Variants in OPCML observed in about 807,000 individuals in gnomAD.
The protein encoded by OPCML is opioid-binding protein/cell adhesion molecule.
In OPCML, 13 loss-of-function variants were observed where a neutral mutation model predicts 37.8. The observed-to-expected ratio is 0.34, with a 90% CI of 0.22 to 0.55. OPCML has a LOEUF of 0.55. OPCML is among the 20% of genes least tolerant of loss of function. OPCML has a pLI of 0.91. For synonymous variants in OPCML, 176 were observed against 168.8 expected (o/e 1.04, Z -0.33); for missense variants, 341 against 435.6 (o/e 0.78, Z 1.93).
At chr11:132,753,821 C>T (rs981825518) in intron 2 of OPCML, among the ~76,000 whole-genome samples, 1 of 152,186 alleles carries the variant, frequency 6.6e-6, no homozygotes, top group African/African-American at 2.4e-5. Flanking sequence ...AAATATATTA[C>T]AGGCACAATG....
chr11:133,219,371 C>T (rs901109655), intron 1 of OPCML, among the ~76,000 whole-genome samples: 1 of 152,206 alleles, frequency 6.6e-6, no homozygotes, highest in African/African-American at 2.4e-5. Flanking sequence ...ACACTAGCCA[C>T]CACTTACATG....
intron 4 of OPCML, among the ~76,000 whole-genome samples, chr11:132,495,618 G>A (rs891533981): frequency 6.6e-6 from 1 of 152,250 alleles, no homozygotes; most frequent in Non-Finnish European, 1.5e-5. Flanking sequence ...TTGGCCTGGC[G>A]CAGTGGCTCA....
At chr11:132,866,071 GA>G (rs35678364) in intron 2 of OPCML, among the ~76,000 whole-genome samples, 120 of 138,884 alleles carry the variant, frequency 8.6e-4, no homozygotes, top group Middle Eastern at 7.6e-3. Flanking sequence ...TTCTCCTCAG[GA>G]AAAAAAAAAA....
intron 1 of OPCML, among the ~76,000 whole-genome samples, chr11:133,213,627 A>G (rs1939465391): frequency 6.6e-6 from 1 of 151,734 alleles, no homozygotes; most frequent in Non-Finnish European, 1.5e-5. Context: ...CACTTAAAAA[A>G]CTCCTTACTG....
Position 132,560,913 on chromosome 11 carries a change from C to T in OPCML, c.380-31727G>A, listed in dbSNP as rs763480978. Among the ~76,000 whole-genome samples, 12 of 152,072 alleles carry T rather than the reference C, an allele frequency of 7.9e-5. 1 individual carries two copies. Among genetic ancestry groups the T allele is most frequent in the Admixed American group, 6.6e-4 (10 of 15,262 alleles). On this transcript the variant is annotated intron_variant, in intron 3 of 7. Transcript: ENST00000524381. ...TTCTTTTGCTGTGCAGAAGCTGTTG[C>T]GTTTAATTAAGTCCTATCTATTTAT...
At chr11:133,047,368 G>A (rs1056492597) in intron 1 of OPCML, among the ~76,000 whole-genome samples, 5 of 152,184 alleles carry the variant, frequency 3.3e-5, no homozygotes, top group South Asian at 2.1e-4. Flanking sequence ...GTGTAGCCGC[G>A]ATTGCATTAT....
In OPCML at chr11:133,173,742, A is replaced by G. The variant is rs1378412253; in HGVS notation, c.62-230732T>C. On this transcript the variant is annotated intron_variant, in intron 1 of 7. Transcript: ENST00000524381. The surrounding 1 kb of genome is among the most constrained non-coding windows in gnomAD (Gnocchi z 7.8). Reference sequence around the variant, plus strand: ...TGTGGCAGTTTAAGAATCTCTAAGAATGCATAAGTAAAGAAAAAATAGAAT... The same window carrying G: ...TGTGGCAGTTTAAGAATCTCTAAGAGTGCATAAGTAAAGAAAAAATAGAAT... Among the ~76,000 whole-genome samples, 6 of 152,242 alleles carry G rather than the reference A, an allele frequency of 3.9e-5. No individual in the cohort carries two copies. The highest frequency in any genetic ancestry group is 1.4e-4 in the African/African-American group (6 of 41,466).
chr11:133,350,091 T>G (rs1285038709), intron 1 of OPCML, among the ~76,000 whole-genome samples: 2 of 152,218 alleles, frequency 1.3e-5, no homozygotes, highest in African/African-American at 4.8e-5. Flanking sequence ...CCTGCTGTTT[T>G]GATGACTTAA....
chr11:133,215,401 C>T (rs531987885), intron 1 of OPCML, among the ~76,000 whole-genome samples: 4 of 152,332 alleles, frequency 2.6e-5, no homozygotes, highest in East Asian at 3.9e-4. Context: ...TCATTCCTTG[C>T]CCTCTCGGGC....
chr11:132,523,971 A>G (rs1393608539), intron 4 of OPCML, among the ~76,000 whole-genome samples: 2 of 152,228 alleles, frequency 1.3e-5, no homozygotes, highest in Non-Finnish European at 1.5e-5. Context: ...TTAAAATCTC[A>G]GTGGAGGGGA....
intron 2 of OPCML, among the ~76,000 whole-genome samples, chr11:132,687,504 T>A (rs896186743): frequency 1.3e-5 from 2 of 148,286 alleles, no homozygotes. Flanking sequence ...GATCTTCTTC[T>A]GCAAAACTTA....
At chr11:132,662,605 T>C (rs1365500688) in intron 2 of OPCML, among the ~76,000 whole-genome samples, 6 of 152,258 alleles carry the variant, frequency 3.9e-5, no homozygotes, top group African/African-American at 1.4e-4. Flanking sequence ...GAAGGATACC[T>C]GGATAAAATA....
chr11:132,552,761 C>CCCTTT lies in OPCML; in HGVS notation c.380-23576_380-23575insAAAGG, dbSNP rs1337627753. 1.5e-4 allele frequency among the ~76,000 whole-genome samples: 10 copies of CCCTTT among 67,480 alleles called. 1 individual carries two copies. Among genetic ancestry groups the CCCTTT allele is most frequent in the African/African-American group, 1.1e-3 (10 of 9,302 alleles). The allele number at this position is 67,480 out of a possible 152,430, so 44.3% of individuals were successfully genotyped here. ...TCTAGTCAAACTAAATTAAACACTA[C>CCCTTT]TCTTTTTTTTTTTTTTTTGAGACCG... On this transcript the variant is annotated intron_variant, in intron 3 of 7. Transcript: ENST00000524381.
At chr11:133,435,043 T>C (rs576319775) in intron 1 of OPCML, among the ~76,000 whole-genome samples, 80 of 151,912 alleles carry the variant, frequency 5.3e-4, no homozygotes, top group Non-Finnish European at 9.7e-4. Context: ...AAGTGAGAGA[T>C]AGCCTAGCAT....
chr11:132,701,814 C>T (rs1202819732), intron 2 of OPCML, among the ~76,000 whole-genome samples: 1 of 106,498 alleles, frequency 9.4e-6, no homozygotes, highest in Non-Finnish European at 2.0e-5. Context: ...TGGGCGTGTG[C>T]TTTCCTTTTT....
intron 2 of OPCML, among the ~76,000 whole-genome samples, chr11:132,863,197 T>C (rs531655720): frequency 2.0e-5 from 3 of 152,254 alleles, no homozygotes; most frequent in South Asian, 4.1e-4. Flanking sequence ...GCCGAGGATG[T>C]GTTTGCAGCA....
intron 1 of OPCML, among the ~76,000 whole-genome samples, chr11:132,974,506 A>C (rs1053539709): frequency 1.3e-5 from 2 of 152,192 alleles, no homozygotes; most frequent in Non-Finnish European, 2.9e-5. Context: ...GAAACAACAG[A>C]TGCTGGAGAG....
At chr11:133,261,462 T>A (rs894175219) in intron 1 of OPCML, among the ~76,000 whole-genome samples, 2 of 151,996 alleles carry the variant, frequency 1.3e-5, no homozygotes, top group African/African-American at 4.8e-5. Context: ...GACGAAAGAG[T>A]GGTGAGGCTG....
intron 4 of OPCML, among the ~76,000 whole-genome samples, chr11:132,450,001 C>T (rs149199923): frequency 3.9e-5 from 6 of 152,162 alleles, no homozygotes; most frequent in Non-Finnish European, 5.9e-5. Flanking sequence ...GTTTCTGCCC[C>T]AGAAACCTGC....
Sources: gnomAD v4.1 joint callset for allele counts (sites outside exome capture counted in the v4.1 genomes callset) on GRCh38, gnomAD v4.1.1 for gene constraint, Gnocchi (gnomAD v3.1) non-coding constraint, MANE v1.5 for transcripts, NCBI Gene and HGNC (gene_info 2026-07-23, HGNC 2026-07-21) for gene names.